CDA: variants seen among roughly 807,000 people sequenced by gnomAD.
The protein encoded by CDA is cytidine aminohydrolase.
CDA carries 7 observed loss-of-function variants against 15.0 expected under a neutral mutation model. The ratio of observed to expected loss-of-function variants is 0.47; its 90% CI spans 0.26 to 0.87. The LOEUF is 0.87. CDA is among the 40% of genes least tolerant of loss of function. CDA has a pLI of 0.15. For synonymous variants in CDA, 58 were observed against 73.0 expected, an observed-to-expected ratio of 0.79 and a Z score of 1.05; for missense variants, 159 against 182.7, an observed-to-expected ratio of 0.87 and a Z score of 0.75.
intron 1 of CDA, 146 bp downstream of exon 1, chr1:20,589,429 T>C: frequency 2.5e-6 from 2 of 807,662 alleles, no homozygotes; most frequent in Non-Finnish European, 4.0e-6. Flanking sequence ...GGAATGTTCC[T>C]ACCCTGCCGA....
chr1:20,599,878 A>G (rs571525661), intron 1 of CDA, among the ~76,000 whole-genome samples: 1 of 152,160 alleles, frequency 6.6e-6, no homozygotes, highest in Non-Finnish European at 1.5e-5. Flanking sequence ...ATTTATTCTC[A>G]CAACAGGACT....
chr1:20,591,852 T>C (rs1216042548), intron 1 of CDA, among the ~76,000 whole-genome samples: 2 of 150,990 alleles, frequency 1.3e-5, no homozygotes, highest in Non-Finnish European at 3.0e-5. Flanking sequence ...TTTTTTTGTT[T>C]TTTTTTTTTG....
intron 1 of CDA, among the ~76,000 whole-genome samples, chr1:20,593,173 G>T (rs371889292): frequency 6.6e-6 from 1 of 152,334 alleles, no homozygotes; most frequent in Non-Finnish European, 1.5e-5. Flanking sequence ...GGTGAATGAT[G>T]ATGAGGCACT....
intron 1 of CDA, among the ~76,000 whole-genome samples, chr1:20,597,306 C>T (rs576416118): frequency 5.3e-4 from 81 of 152,176 alleles, no homozygotes; most frequent in Non-Finnish European, 8.8e-4. Context: ...AAAAATTAGC[C>T]GGGTGTGGTA....
chr1:20,599,116 A>T (rs1020882558), intron 1 of CDA, among the ~76,000 whole-genome samples: 2 of 152,160 alleles, frequency 1.3e-5, no homozygotes, highest in African/African-American at 4.8e-5. Flanking sequence ...CAGAGCCCTG[A>T]GTAGGGTGAA....
At chr1:20,613,547 C>G (rs180888088) in intron 2 of CDA, among the ~76,000 whole-genome samples, 2 of 152,314 alleles carry the variant, frequency 1.3e-5, no homozygotes, top group East Asian at 1.9e-4. Context: ...TTTTACATAA[C>G]AGAGACAAAT....
In CDA at chr1:20,618,625, C is replaced by T; in HGVS notation, c.*57C>T. The T allele has an allele frequency of 1.9e-6, 2 of 1,057,922 alleles. No individual in the cohort carries two copies. The highest frequency in any genetic ancestry group is 1.2e-5 in the South Asian group (1 of 80,198). The allele number at this position is 1,057,922 out of a possible 1,614,324, so 65.5% of individuals were successfully genotyped here. A position where few individuals can be genotyped will look rare whatever the true frequency, so the allele number is the denominator to read the frequency against. ...CACCTGGAGAACTTCATAAAGATGT[C>T]TCACAGCCCTGGGGACACCTGCCCA... On this transcript the variant is annotated 3_prime_UTR_variant, in exon 4 of 4. Coordinates refer to ENST00000375071, the MANE Select transcript of CDA (RefSeq NM_001785.3).
At chr1:20,615,446 A>C (rs2052792558) in intron 3 of CDA, among the ~76,000 whole-genome samples, 1 of 142,516 alleles carries the variant, frequency 7.0e-6, no homozygotes, top group Non-Finnish European at 1.5e-5. Context: ...CTGCCTGGGC[A>C]ACATAGCGAG....
chr1:20,618,588 G>A lies in CDA; in HGVS notation c.*20G>A. ...CAGTGACAGCCAGAGAATGCCCACT[G>A]CCTGTAACAGCCACCTGGAGAACTT... On this transcript the variant is annotated 3_prime_UTR_variant, in exon 4 of 4. Transcript: ENST00000375071. The A allele has an allele frequency of 3.0e-6, 4 of 1,350,514 alleles. No individual in the cohort carries two copies. The highest frequency in any genetic ancestry group is 3.2e-6 in the Non-Finnish European group (3 of 939,040). The allele number at this position is 1,350,514 out of a possible 1,614,324, so 83.7% of individuals were successfully genotyped here.
chr1:20,608,699 C>T (rs1021277723), intron 2 of CDA, among the ~76,000 whole-genome samples: 4 of 152,154 alleles, frequency 2.6e-5, no homozygotes, highest in Non-Finnish European at 4.4e-5. Context: ...CATGAGCAAC[C>T]GCATTCAGCC....
At chr1:20,594,425 G>T (rs1418454392) in intron 1 of CDA, among the ~76,000 whole-genome samples, 1 of 151,768 alleles carries the variant, frequency 6.6e-6, no homozygotes, top group Non-Finnish European at 1.5e-5. Flanking sequence ...GGAAAGAGCT[G>T]CTAAGGGAAA....
intron 2 of CDA, among the ~76,000 whole-genome samples, chr1:20,605,240 C>A (rs1009686774): frequency 6.6e-6 from 1 of 152,034 alleles, no homozygotes; most frequent in Non-Finnish European, 1.5e-5. Flanking sequence ...AGTGAGCCTG[C>A]AAAGCAGGTA....
intron 2 of CDA, among the ~76,000 whole-genome samples, chr1:20,606,723 C>T (rs1305178278): frequency 2.6e-5 from 4 of 152,112 alleles, no homozygotes; most frequent in African/African-American, 9.7e-5. Context: ...GAACAAGAGC[C>T]CCAATCAATG....
intron 3 of CDA, among the ~76,000 whole-genome samples, chr1:20,618,237 G>T (rs1199987472): frequency 6.6e-6 from 1 of 150,560 alleles, no homozygotes; most frequent in Non-Finnish European, 1.5e-5. Flanking sequence ...TGTTCACGAT[G>T]TACCATGCAC....
intron 1 of CDA, among the ~76,000 whole-genome samples, chr1:20,592,396 A>G (rs919595506): frequency 1.3e-5 from 2 of 152,202 alleles, no homozygotes; most frequent in African/African-American, 4.8e-5. Flanking sequence ...TGCTTCTGCT[A>G]CCACTATTAA....
At chr1:20,594,203 C>T (rs146628727) in intron 1 of CDA, among the ~76,000 whole-genome samples, 265 of 152,346 alleles carry the variant, frequency 1.7e-3, no homozygotes, top group African/African-American at 6.2e-3. Context: ...GCAAAGACGG[C>T]CTTGCTATCG....
intron 2 of CDA, among the ~76,000 whole-genome samples, chr1:20,606,262 G>A (rs534982667): frequency 1.7e-3 from 255 of 150,714 alleles, no homozygotes; most frequent in African/African-American, 5.1e-3. Flanking sequence ...GTGAACCCGG[G>A]AGGTGGAGCT....
intron 1 of CDA, among the ~76,000 whole-genome samples, chr1:20,592,595 C>T (rs551079795): frequency 6.6e-5 from 10 of 152,180 alleles, no homozygotes; most frequent in African/African-American, 2.4e-4. Flanking sequence ...GACAGAGGAA[C>T]AGTGTCAGGG....
intron 3 of CDA, among the ~76,000 whole-genome samples, chr1:20,614,380 C>T (rs1031006169): frequency 6.6e-6 from 1 of 152,180 alleles, no homozygotes; most frequent in Non-Finnish European, 1.5e-5. Flanking sequence ...CCAAATCCAG[C>T]CTGCTGCTTG....
Sources: allele counts gnomAD v4.1 joint callset (sites outside exome capture counted in the v4.1 genomes callset), GRCh38; gene constraint gnomAD v4.1.1; transcripts MANE v1.5; gene names NCBI Gene and HGNC (gene_info 2026-07-23, HGNC 2026-07-21).